TMEM117: variants seen among roughly 807,000 people sequenced by gnomAD.
The protein encoded by TMEM117 is transmembrane protein 117.
In TMEM117, 27 loss-of-function variants were observed where a neutral mutation model predicts 52.4. The observed-to-expected ratio is 0.51, with a 90% CI of 0.38 to 0.71. The LOEUF (loss-of-function observed/expected upper bound fraction) is 0.71, where lower values mean the gene tolerates loss of function less well. TMEM117 is among the 30% of genes least tolerant of loss of function. TMEM117 has a pLI of 0.00. For synonymous variants in TMEM117, 215 were observed against 206.3 expected (o/e 1.04, Z -0.36); for missense variants, 556 against 630.5 (o/e 0.88, Z 1.26).
intron 5 of TMEM117, among the ~76,000 whole-genome samples, chr12:44,220,490 A>C (rs1949773935): frequency 1.3e-5 from 2 of 152,302 alleles, no homozygotes; most frequent in South Asian, 4.1e-4. Flanking sequence ...TAACATAGAA[A>C]GATGGATAGT....
chr12:44,250,204 A>G (rs1950179853), intron 5 of TMEM117, among the ~76,000 whole-genome samples: 1 of 152,094 alleles, frequency 6.6e-6, no homozygotes, highest in Non-Finnish European at 1.5e-5. Flanking sequence ...TTCTCAAAAG[A>G]AGACATTTAT....
At chr12:43,846,696 G>A (rs879495804) in intron 2 of TMEM117, among the ~76,000 whole-genome samples, 2 of 149,724 alleles carry the variant, frequency 1.3e-5, no homozygotes, top group Non-Finnish European at 2.9e-5. Flanking sequence ...GTAGTTTTGA[G>A]TGCTGGGTCA....
intron 3 of TMEM117, among the ~76,000 whole-genome samples, chr12:44,060,594 A>G (rs560165453): frequency 3.9e-5 from 6 of 152,294 alleles, no homozygotes; most frequent in Admixed American, 3.3e-4. Flanking sequence ...GAGTAATTTT[A>G]CTTGCTAGAA....
chr12:44,127,493 A>G (rs1174044793), intron 3 of TMEM117, among the ~76,000 whole-genome samples: 2 of 152,150 alleles, frequency 1.3e-5, no homozygotes, highest in Non-Finnish European at 1.5e-5. Context: ...CCTGACCAAC[A>G]TGGAGAAACC....
At chr12:43,803,760 T>A in the TMEM117 span, among the ~76,000 whole-genome samples, 4 of 152,148 alleles carry the variant, frequency 2.6e-5, no homozygotes, top group African/African-American at 9.6e-5. Context: ...TGGTATTTTT[T>A]ATATAAGCAG....
At chr12:43,824,876 A>G in the TMEM117 span, among the ~76,000 whole-genome samples, 1 of 152,212 alleles carries the variant, frequency 6.6e-6, no homozygotes, top group Non-Finnish European at 1.5e-5. Context: ...CAGTAAGCCA[A>G]GATTGTGCCA....
At chr12:44,379,199 G>A (rs932594935) in intron 7 of TMEM117, among the ~76,000 whole-genome samples, 2 of 151,508 alleles carry the variant, frequency 1.3e-5, no homozygotes, top group African/African-American at 2.4e-5. Context: ...AGGAAGGAAG[G>A]AAGGAAGGAA....
intron 4 of TMEM117, among the ~76,000 whole-genome samples, chr12:44,196,984 G>A (rs531678420): frequency 6.6e-6 from 1 of 152,284 alleles, no homozygotes; most frequent in African/African-American, 2.4e-5. Flanking sequence ...TTAGCCTACA[G>A]ATTTGGGTTT....
At chr12:43,836,998 G>C (rs561883876) in intron 1 of TMEM117, among the ~76,000 whole-genome samples, 11 of 152,274 alleles carry the variant, frequency 7.2e-5, no homozygotes, top group African/African-American at 2.6e-4. Flanking sequence ...CAGAAACAAG[G>C]TCTTCCAATT....
At chr12:44,234,458 T>A (rs1327979691) in intron 5 of TMEM117, among the ~76,000 whole-genome samples, 2 of 151,364 alleles carry the variant, frequency 1.3e-5, no homozygotes, top group South Asian at 2.1e-4. Flanking sequence ...TTTTTATCAT[T>A]CATTCCTAAT....
At chr12:44,028,707 A>G (rs1946582799) in intron 3 of TMEM117, among the ~76,000 whole-genome samples, 2 of 152,224 alleles carry the variant, frequency 1.3e-5, no homozygotes, top group Non-Finnish European at 2.9e-5. Context: ...AATAACCATA[A>G]AAATGGGCAA....
intron 2 of TMEM117, among the ~76,000 whole-genome samples, chr12:43,881,567 A>C (rs1565732732): frequency 6.6e-6 from 1 of 152,172 alleles, no homozygotes; most frequent in African/African-American, 2.4e-5. Context: ...AGGCCAGCGG[A>C]TCACCTAAGG....
chr12:44,095,745 T>C (rs925431286), intron 3 of TMEM117, among the ~76,000 whole-genome samples: 4 of 152,094 alleles, frequency 2.6e-5, no homozygotes, highest in Admixed American at 2.0e-4. Context: ...CAAGTTGGAA[T>C]TATACCAGTT....
chr12:44,359,543 A>G (rs988917071), intron 6 of TMEM117, among the ~76,000 whole-genome samples: 10 of 152,050 alleles, frequency 6.6e-5, no homozygotes, highest in African/African-American at 2.4e-4. Flanking sequence ...TTTCCATGGA[A>G]TTATAAACCA....
At chr12:43,807,814 T>G in the TMEM117 span, among the ~76,000 whole-genome samples, 1 of 152,194 alleles carries the variant, frequency 6.6e-6, no homozygotes, top group Non-Finnish European at 1.5e-5. Context: ...TGCAAGCGTC[T>G]TGGGTACCTT....
chr12:43,943,485 T>C (rs1244632542), intron 2 of TMEM117, among the ~76,000 whole-genome samples: 1 of 152,202 alleles, frequency 6.6e-6, no homozygotes, highest in Non-Finnish European at 1.5e-5. Flanking sequence ...CATCTTAATA[T>C]ATGTTTCTTC....
intron 2 of TMEM117, among the ~76,000 whole-genome samples, chr12:43,894,501 A>T (rs948726680): frequency 1.3e-5 from 2 of 151,984 alleles, no homozygotes; most frequent in Non-Finnish European, 2.9e-5. Context: ...TTCATCACCC[A>T]GGTATTAAGC....
intron 6 of TMEM117, among the ~76,000 whole-genome samples, chr12:44,370,685 T>A (rs952186971): frequency 6.6e-6 from 1 of 151,964 alleles, no homozygotes; most frequent in African/African-American, 2.4e-5. Flanking sequence ...GCCTGGCTAA[T>A]TTTTGTATTT....
chr12:43,860,012 T>C (rs183152684), intron 2 of TMEM117, among the ~76,000 whole-genome samples: 11 of 152,332 alleles, frequency 7.2e-5, no homozygotes, highest in Admixed American at 7.2e-4. Context: ...AAGGTGTTAA[T>C]GTCATTGAGT....
Sources: gnomAD v4.1 joint callset for allele counts (sites outside exome capture counted in the v4.1 genomes callset) on GRCh38, gnomAD v4.1.1 for gene constraint, MANE v1.5 for transcripts, NCBI Gene and HGNC (gene_info 2026-07-23, HGNC 2026-07-21) for gene names.